Variants in NAT10 observed in about 807,000 individuals in gnomAD.
The protein encoded by NAT10 is RNA cytidine acetyltransferase.
NAT10 carries 109 observed loss-of-function variants against 132.2 expected under a neutral mutation model. The observed-to-expected ratio is 0.82, with a 90% CI of 0.71 to 0.97. The LOEUF (loss-of-function observed/expected upper bound fraction) is 0.97. Ranked by LOEUF, NAT10 falls within the 50% of genes least tolerant of loss-of-function variation. The probability of loss-of-function intolerance (pLI) is 0.00; values close to 1 mark genes in which losing one functional copy is unlikely to be tolerated. For missense variants in NAT10, 1,184 were observed against 1,263.4 expected (o/e 0.94, Z 0.95); for synonymous variants, 479 against 478.0 (o/e 1.00, Z -0.03).
intron 14 of NAT10, 106 bp downstream of exon 14, chr11:34,131,637 G>A (rs1019289628): frequency 8.2e-7 from 1 of 1,217,324 alleles, no homozygotes; most frequent in African/African-American, 1.6e-5. Context: ...TAGAGAAAGG[G>A]GAAAGTTGAA....
rs145204141 is a variant in NAT10 at position 34,140,562 on chromosome 11, C to T, written c.2582C>T (p.Ala861Val). 880 of 1,613,874 alleles carry T rather than the reference C, an allele frequency of 5.5e-4. 3 individuals carry two copies. The highest frequency in any genetic ancestry group is 3.3e-3 in the Middle Eastern group (20 of 6,060). ...CAGCTGGGGGACCTGGCCCTGTCTGCGGCTCAGTCGGTATGCTATCTGTTG... is the reference window on the plus strand; with the variant it reads ...CAGCTGGGGGACCTGGCCCTGTCTGTGGCTCAGTCGGTATGCTATCTGTTG... Reference protein sequence around the residue: ...LNQLGDLALSAAQSALLLGIG... With the variant: ...LNQLGDLALSVAQSALLLGIG... Residue 861 changes from alanine (A) to valine (V), a missense_variant, in exon 24 of 29, where the codon GCG becomes GTG. Physicochemically the swap from Ala to Val is moderately conservative, Grantham distance 64. Transcript: ENST00000257829.
chr11:34,123,199 T>C (rs1352641487), intron 9 of NAT10, among the ~76,000 whole-genome samples: 1 of 152,208 alleles, frequency 6.6e-6, no homozygotes, highest in East Asian at 1.9e-4. Context: ...CAACCTAGGT[T>C]TGGGGAGTTC....
At chr11:34,142,447 T>A in intron 27 of NAT10, 99 bp downstream of exon 27, 1 of 1,001,990 alleles carries the variant, frequency 1.0e-6, no homozygotes, top group Non-Finnish European at 1.5e-6. Context: ...CCCTGGAAAG[T>A]GTCTTTCATG....
At position 34,113,743 on chromosome 11, in the gene NAT10, C is replaced by A; in HGVS notation, c.400C>A (p.Leu134Met). ...TTTTGAAGCCTTAACTCCAAACTTG[C>A]TGGCCAGGACTGTAGAAACAGTGGA... The part of the protein sequence containing the change: ...QDFEALTPNL[L>M]ARTVETVEGG... The change falls in exon 5 of 29, where the codon CTG becomes ATG. Residue 134 changes from leucine (L) to methionine (M), a missense_variant. Transcript: ENST00000257829. 6.2e-7 allele frequency: 1 copy of A among 1,612,368 alleles called. No homozygotes were observed. Among genetic ancestry groups the A allele is most frequent in the South Asian group, 1.1e-5 (1 of 90,890 alleles).
chr11:34,127,726 T>C (rs1852022325), intron 12 of NAT10, 127 bp downstream of exon 12: 1 of 1,195,064 alleles, frequency 8.4e-7, no homozygotes, highest in Admixed American at 2.5e-5. Flanking sequence ...TGTTTGAGGC[T>C]GCTTCATTCT....
At chr11:34,123,372 C>T (rs1395889773) in intron 9 of NAT10, among the ~76,000 whole-genome samples, 1 of 152,234 alleles carries the variant, frequency 6.6e-6, no homozygotes, top group Non-Finnish European at 1.5e-5. Context: ...CTCAGCAAGG[C>T]AAAGCTAACT....
rs1224968001 is a variant in NAT10, at chr11:34,139,213, C to T, written c.2234C>T (p.Ser745Leu). The change falls in exon 22 of 29, where the codon TCG becomes TTG. Residue 745 changes from serine (S) to leucine (L), a missense_variant. Coordinates refer to ENST00000257829, the MANE Select transcript of NAT10 (RefSeq NM_024662.3). The part of the protein sequence containing the change: ...QTPNDLTGEH[S>L]CIMLKTLTDE... ...CAGAATGACCTGACCGGAGAGCACT[C>T]GTGCATCATGCTGAAGACGCTCACT... 6.2e-6 allele frequency: 10 copies of T among 1,613,872 alleles called. No homozygotes were observed. Among genetic ancestry groups the T allele is most frequent in the African/African-American group, 1.3e-5 (1 of 74,876 alleles).
intron 1 of NAT10, chr11:34,107,294 C>T (rs1023603446): frequency 6.6e-6 from 1 of 152,208 alleles, no homozygotes; most frequent in Non-Finnish European, 1.5e-5. Flanking sequence ...AGGCATGAAC[C>T]ACCACTCCCG....
intron 5 of NAT10, among the ~76,000 whole-genome samples, chr11:34,114,644 A>G (rs1039895778): frequency 3.9e-5 from 6 of 152,236 alleles, no homozygotes; most frequent in Middle Eastern, 3.4e-3. Context: ...TCCCACTGGA[A>G]TGTGCTTCCT....
At chr11:34,132,981 C>T in intron 15 of NAT10, 45 bp from the exon 16 acceptor site, 2 of 1,496,742 alleles carry the variant, frequency 1.3e-6, no homozygotes, top group Non-Finnish European at 1.9e-6. Context: ...GCGTAAAGGG[C>T]AAGAGGAAGA....
chr11:34,112,743 G>A (rs1416515389), intron 4 of NAT10, among the ~76,000 whole-genome samples: 1 of 152,164 alleles, frequency 6.6e-6, no homozygotes, highest in Non-Finnish European at 1.5e-5. Flanking sequence ...CTGCACTGGT[G>A]TGTATTCTCT....
At chr11:34,137,076 G>A in intron 21 of NAT10, 50 bp downstream of exon 21, 2 of 1,602,790 alleles carry the variant, frequency 1.2e-6, no homozygotes, top group Non-Finnish European at 1.7e-6. Flanking sequence ...CGTTATGGTA[G>A]GTGACAGGCC....
At position 34,146,275 on chromosome 11, in the gene NAT10, C is replaced by A; in HGVS notation, c.*83C>A. ...CCCTCTCTGGCTGGACTGTTAAAAG[C>A]AACGAGAGGCCCCGGCACACCTGGA... On this transcript the variant is annotated 3_prime_UTR_variant, in exon 29 of 29. Transcript: ENST00000257829. 1 of 1,017,652 alleles carries A rather than the reference C, an allele frequency of 9.8e-7. No homozygotes were observed. The highest frequency in any genetic ancestry group is 1.4e-6 in the Non-Finnish European group (1 of 703,848). The allele number at this position is 1,017,652 out of a possible 1,614,324, so 63.0% of individuals were successfully genotyped here.
chr11:34,116,241 A>G lies in NAT10; in HGVS notation c.557+357A>G, dbSNP rs577804487. 2.0e-5 allele frequency among the ~76,000 whole-genome samples: 3 copies of G among 152,252 alleles called. No homozygotes were observed. In the South Asian group the frequency reaches 6.2e-4, roughly 32 times the overall value. On this transcript the variant is annotated intron_variant, in intron 6 of 28. Transcript: ENST00000257829. ...TAGTCTTTCCAAACTTTTTATTATGAATATGACGTACTGGCATAGTAAAAA... is the reference window on the plus strand; with the variant it reads ...TAGTCTTTCCAAACTTTTTATTATGGATATGACGTACTGGCATAGTAAAAA...
At chr11:34,141,511 C>G (rs1852331873) in intron 25 of NAT10, among the ~76,000 whole-genome samples, 1 of 151,964 alleles carries the variant, frequency 6.6e-6, no homozygotes, top group Non-Finnish European at 1.5e-5. Flanking sequence ...GTGTCCTCTC[C>G]CAGAGGCATC....
chr11:34,141,343 A>C, intron 25 of NAT10, 135 bp downstream of exon 25: 1 of 1,295,686 alleles, frequency 7.7e-7, no homozygotes, highest in Non-Finnish European at 1.1e-6. Context: ...ACACACACAC[A>C]CACAAATCCA....
chr11:34,142,343 C>G lies in NAT10; in HGVS notation c.2880C>G (p.Leu960=). 1 of 1,614,032 alleles carries G rather than the reference C, an allele frequency of 6.2e-7. No individual in the cohort carries two copies. The highest frequency in any genetic ancestry group is 8.5e-7 in the Non-Finnish European group (1 of 1,179,930). Residue 960 remains leucine (L), a synonymous_variant, in exon 27 of 29, where the codon CTC becomes CTG. Coordinates refer to ENST00000257829, the MANE Select transcript of NAT10 (RefSeq NM_024662.3). Reference sequence around the variant, plus strand: ...TAGGGAAGCTGAAGAGCATGGACCTCTCTGAGTAAGGCTTGTGGGAAGCAG... The same window carrying G: ...TAGGGAAGCTGAAGAGCATGGACCTGTCTGAGTAAGGCTTGTGGGAAGCAG... ...KEVGKLKSMD[L]SEYIIRGDDE... is the part of the protein sequence containing the mutation.
intron 9 of NAT10, among the ~76,000 whole-genome samples, chr11:34,123,174 AT>A (rs1232656163): frequency 6.6e-6 from 1 of 152,168 alleles, no homozygotes; most frequent in African/African-American, 2.4e-5. Flanking sequence ...CTCTGTGGGC[AT>A]TTTATAGATG....
In NAT10 at chr11:34,117,929, C is replaced by T. The variant is rs574874743; in HGVS notation, c.558-251C>T. On this transcript the variant is annotated intron_variant, in intron 6 of 28. Transcript: ENST00000257829. ...GGTGTAGGGAATAGTGGCAGTCATG[C>T]ACAACAGGAGGGCTTCTAATTGATC... Among the ~76,000 whole-genome samples, 24 of 152,114 alleles carry T rather than the reference C, an allele frequency of 1.6e-4. No homozygotes were observed. The East Asian group carries it at 4.1e-3, about 26-fold the overall frequency.
Sources: gnomAD v4.1 joint callset for allele counts (sites outside exome capture counted in the v4.1 genomes callset) on GRCh38, gnomAD v4.1.1 for gene constraint, MANE v1.5 for transcripts, NCBI Gene and HGNC (gene_info 2026-07-23, HGNC 2026-07-21) for gene names.